ZNF804B: variants seen among roughly 807,000 people sequenced by gnomAD.
The protein encoded by ZNF804B is zinc finger 804B.
ZNF804B carries 80 observed loss-of-function variants against 101.4 expected under a neutral mutation model. That is an observed-to-expected ratio of 0.79 (90% CI 0.66 to 0.95). The LOEUF is 0.95. ZNF804B is among the 40% of genes least tolerant of loss of function. The probability of loss-of-function intolerance (pLI) is 0.00; values close to 1 mark genes in which losing one functional copy is unlikely to be tolerated. For missense variants in ZNF804B, 1,673 were observed against 1,561.9 expected, an observed-to-expected ratio of 1.07 and a Z score of -1.20; for synonymous variants, 622 against 558.8, an observed-to-expected ratio of 1.11 and a Z score of -1.59.
rs79303769 is a variant in ZNF804B at position 88,790,757 on chromosome 7, C to T, written c.108+30673C>T. ...TGAATAGGGCTGCAATGAACATACG[C>T]GTGCATGTATCTGCATTCTATTATA... On this transcript the variant is annotated intron_variant, in intron 1 of 3. Coordinates refer to ENST00000333190, the MANE Select transcript of ZNF804B (RefSeq NM_181646.5). Among the ~76,000 whole-genome samples, 310 of 152,106 alleles carry T rather than the reference C, an allele frequency of 2.0e-3. 1 individual carries two copies. Among genetic ancestry groups the T allele is most frequent in the African/African-American group, 7.2e-3 (300 of 41,530 alleles).
intron 1 of ZNF804B, among the ~76,000 whole-genome samples, chr7:89,208,310 C>T (rs1002741501): frequency 1.3e-5 from 2 of 152,108 alleles, no homozygotes; most frequent in African/African-American, 4.8e-5. Context: ...TCTCAATCTC[C>T]TGACCTCGTG....
intron 1 of ZNF804B, among the ~76,000 whole-genome samples, chr7:89,202,759 G>A (rs557060870): frequency 1.3e-5 from 2 of 152,024 alleles, no homozygotes; most frequent in African/African-American, 2.4e-5. Context: ...TTCCAGATCT[G>A]CTATTTATCA....
chr7:89,054,951 A>G (rs1445582941), intron 1 of ZNF804B, among the ~76,000 whole-genome samples: 1 of 152,100 alleles, frequency 6.6e-6, no homozygotes, highest in Non-Finnish European at 1.5e-5. Context: ...CTTTGCTACC[A>G]TGTAGTCATT....
At chr7:89,093,454 G>A (rs1562882852) in intron 1 of ZNF804B, among the ~76,000 whole-genome samples, 1 of 152,106 alleles carries the variant, frequency 6.6e-6, no homozygotes, top group Non-Finnish European at 1.5e-5. Context: ...ACTTCTAAAG[G>A]AGTTTTAAAA....
intron 1 of ZNF804B, among the ~76,000 whole-genome samples, chr7:88,914,608 G>A (rs954102230): frequency 6.6e-6 from 1 of 151,924 alleles, no homozygotes; most frequent in Non-Finnish European, 1.5e-5. Flanking sequence ...GTTCAATTTT[G>A]GTTTCCTTGC....
At chr7:88,854,423 C>T (rs1303791693) in intron 1 of ZNF804B, among the ~76,000 whole-genome samples, 1 of 99,936 alleles carries the variant, frequency 1.0e-5, no homozygotes, top group African/African-American at 3.8e-5. Context: ...TCCTTTCTTT[C>T]TTTCTTTCTT....
chr7:89,263,474 A>T (rs1789739851), intron 2 of ZNF804B, among the ~76,000 whole-genome samples: 1 of 152,108 alleles, frequency 6.6e-6, no homozygotes, highest in Non-Finnish European at 1.5e-5. Flanking sequence ...AATGTCTATG[A>T]ATTTGATGCA....
At chr7:88,870,949 T>G (rs1791813855) in intron 1 of ZNF804B, among the ~76,000 whole-genome samples, 1 of 152,094 alleles carries the variant, frequency 6.6e-6, no homozygotes, top group South Asian at 2.1e-4. Flanking sequence ...AGGAAAGATA[T>G]TAATTGTGTT....
At chr7:89,178,958 T>A (rs1788249533) in intron 1 of ZNF804B, among the ~76,000 whole-genome samples, 1 of 152,174 alleles carries the variant, frequency 6.6e-6, no homozygotes, top group Non-Finnish European at 1.5e-5. Context: ...AGAGAAAATA[T>A]TTTTTCCTTC....
chr7:89,129,189 G>T (rs1440458173), intron 1 of ZNF804B, among the ~76,000 whole-genome samples: 1 of 151,910 alleles, frequency 6.6e-6, no homozygotes, highest in Non-Finnish European at 1.5e-5. Flanking sequence ...TTTACGTTCA[G>T]TGCCCCCTCC....
At chr7:89,175,166 G>A (rs1791299676) in intron 1 of ZNF804B, among the ~76,000 whole-genome samples, 2 of 151,648 alleles carry the variant, frequency 1.3e-5, no homozygotes, top group African/African-American at 4.8e-5. Context: ...CTAATGACCT[G>A]GAGAGTTTCC....
At chr7:88,816,428 C>G (rs1716089047) in intron 1 of ZNF804B, among the ~76,000 whole-genome samples, 1 of 152,070 alleles carries the variant, frequency 6.6e-6, no homozygotes, top group African/African-American at 2.4e-5. Flanking sequence ...AAGAAACTAC[C>G]ATCAGAGTGA....
intron 1 of ZNF804B, among the ~76,000 whole-genome samples, chr7:88,833,904 T>G (rs1791169655): frequency 6.6e-6 from 1 of 151,852 alleles, no homozygotes. Flanking sequence ...ATTTTCTTTT[T>G]ATCAGAAACA....
chr7:89,158,659 A>G (rs1351813268), intron 1 of ZNF804B, among the ~76,000 whole-genome samples: 2 of 152,214 alleles, frequency 1.3e-5, no homozygotes, highest in Admixed American at 6.5e-5. Context: ...TATACTCATT[A>G]AAGTATGTAA....
At chr7:88,806,480 A>G (rs533319260) in intron 1 of ZNF804B, among the ~76,000 whole-genome samples, 2 of 152,190 alleles carry the variant, frequency 1.3e-5, no homozygotes, top group East Asian at 3.9e-4. Context: ...CGTATCTGGC[A>G]TTTACTCTAC....
chr7:88,875,408 G>A (rs1791914823), intron 1 of ZNF804B, among the ~76,000 whole-genome samples: 2 of 152,042 alleles, frequency 1.3e-5, no homozygotes, highest in African/African-American at 2.4e-5. Flanking sequence ...TTGATAAACT[G>A]CTAGCAAGAC....
chr7:89,156,526 C>G (rs1790978782), intron 1 of ZNF804B, among the ~76,000 whole-genome samples: 5 of 152,056 alleles, frequency 3.3e-5, no homozygotes, highest in Admixed American at 3.3e-4. Context: ...ACAACTACAA[C>G]ATGGAAATAA....
chr7:88,917,471 G>GTACAATAT (rs1235942599), intron 1 of ZNF804B, among the ~76,000 whole-genome samples: 1 of 152,052 alleles, frequency 6.6e-6, no homozygotes, highest in Non-Finnish European at 1.5e-5. Flanking sequence ...CTATAGTCAT[G>GTACAATAT]TACAATATTT....
rs145218960 is a variant in ZNF804B at position 88,862,497 on chromosome 7, G to A, written c.108+102413G>A. On this transcript the variant is annotated intron_variant, in intron 1 of 3. Transcript: ENST00000333190. ...AACATGGAAAACAATGTTATGAGCT[G>A]TAGCTAATACTATAGATACAACAAA... Among the ~76,000 whole-genome samples the A allele has an allele frequency of 6.6e-5, 10 of 152,306 alleles. No homozygotes were observed. The East Asian group carries it at 7.7e-4, about 12-fold the overall frequency.
Sources: allele counts gnomAD v4.1 joint callset (sites outside exome capture counted in the v4.1 genomes callset), GRCh38; gene constraint gnomAD v4.1.1; transcripts MANE v1.5; gene names NCBI Gene and HGNC (gene_info 2026-07-23, HGNC 2026-07-21).